Variants in SYT1 observed in about 807,000 individuals in gnomAD.
SYT1 encodes the protein synaptotagmin 1, also known as synaptotagmin-1.
Under a neutral mutation model 44.8 loss-of-function variants are expected in SYT1, and 8 were observed. The ratio of observed to expected loss-of-function variants is 0.18; its 90% CI spans 0.10 to 0.32. The LOEUF (loss-of-function observed/expected upper bound fraction) is 0.32. Among genes scored for constraint, SYT1 ranks in the 10% least tolerant of loss-of-function variants. The pLI is 1.00. For missense variants in SYT1, 286 were observed against 509.3 expected, an observed-to-expected ratio of 0.56 and a Z score of 4.22; for synonymous variants, 154 against 188.8, an observed-to-expected ratio of 0.82 and a Z score of 1.51.
rs1332380686 is a variant in SYT1 at position 79,101,707 on chromosome 12, G to A, written c.-18+54345G>A. On this transcript the variant is annotated intron_variant, in intron 3 of 10. Transcript: ENST00000261205. Reference sequence around the variant, plus strand: ...AAGTTGAGGTGTAGAAACCACTTGAGAAGAGCCTGGGCAACATGGCAAAAC... The same window carrying A: ...AAGTTGAGGTGTAGAAACCACTTGAAAAGAGCCTGGGCAACATGGCAAAAC... Among the ~76,000 whole-genome samples the A allele has an allele frequency of 2.6e-5, 4 of 151,840 alleles. No homozygotes were observed. In the East Asian group the frequency reaches 7.7e-4, roughly 29 times the overall value.
At chr12:79,354,889 C>T (rs1266157682) in intron 9 of SYT1, among the ~76,000 whole-genome samples, 1 of 152,178 alleles carries the variant, frequency 6.6e-6, no homozygotes, top group Non-Finnish European at 1.5e-5. Context: ...CAACAGCCAA[C>T]TATCATGACA....
intron 9 of SYT1, among the ~76,000 whole-genome samples, chr12:79,424,112 T>C (rs1869289487): frequency 6.6e-6 from 1 of 152,082 alleles, no homozygotes. Context: ...GCTGTACGTA[T>C]AAGGGAATTC....
chr12:79,277,922 T>A (rs1197796020), intron 4 of SYT1, among the ~76,000 whole-genome samples: 5 of 151,532 alleles, frequency 3.3e-5, no homozygotes, highest in African/African-American at 1.2e-4. Context: ...ACAAAGAAGG[T>A]CATTATATAA....
intron 3 of SYT1, among the ~76,000 whole-genome samples, chr12:79,078,885 A>G (rs1476672168): frequency 3.3e-5 from 5 of 152,240 alleles, no homozygotes; most frequent in Admixed American, 6.5e-5. Flanking sequence ...GCAAATGGAT[A>G]CTTATGATGT....
chr12:79,300,696 CTCTT>C (rs1250758187), intron 8 of SYT1, among the ~76,000 whole-genome samples: 1 of 150,196 alleles, frequency 6.7e-6, no homozygotes, highest in East Asian at 2.0e-4. Context: ...TTAAACTCTG[CTCTT>C]TTTTTTGGAA....
chr12:78,987,164 A>G (rs1164899999), intron 2 of SYT1, among the ~76,000 whole-genome samples: 2 of 152,052 alleles, frequency 1.3e-5, no homozygotes, highest in African/African-American at 2.4e-5. Flanking sequence ...GACAAACACC[A>G]CTGTGAAGGC....
At chr12:78,901,592 A>G (rs1428539889) in intron 1 of SYT1, among the ~76,000 whole-genome samples, 1 of 152,168 alleles carries the variant, frequency 6.6e-6, no homozygotes, top group African/African-American at 2.4e-5. Context: ...CAAAAAGACA[A>G]TCTAGTAACA....
rs1015144136 is a variant in SYT1, at chr12:78,877,911, G to A, written c.-217+12802G>A. ...CTCAAGGTACTAGGATTACAGGCATGAGCCACCACACCTGTCCTCAAAAGT... is the reference window on the plus strand; with the variant it reads ...CTCAAGGTACTAGGATTACAGGCATAAGCCACCACACCTGTCCTCAAAAGT... On this transcript the variant is annotated intron_variant, in intron 1 of 10. Transcript: ENST00000261205. 2.3e-4 allele frequency among the ~76,000 whole-genome samples: 35 copies of A among 151,864 alleles called. 1 individual carries two copies. The highest frequency in any genetic ancestry group is 7.0e-4 in the African/African-American group (29 of 41,492).
At chr12:79,271,631 A>G (rs1878431316) in intron 4 of SYT1, among the ~76,000 whole-genome samples, 1 of 152,222 alleles carries the variant, frequency 6.6e-6, no homozygotes, top group Non-Finnish European at 1.5e-5. Flanking sequence ...GTAGATGCTC[A>G]ATAAATATTT....
intron 4 of SYT1, among the ~76,000 whole-genome samples, chr12:79,260,538 C>T (rs1245840): frequency 0.71 from 108,004 of 152,074 alleles, 38,889 homozygotes; most frequent in African/African-American, 0.79. Context: ...GTTCTAGTAT[C>T]ACTGTCTTTC....
At chr12:79,258,535 G>T (rs191653231) in intron 4 of SYT1, among the ~76,000 whole-genome samples, 31 of 152,316 alleles carry the variant, frequency 2.0e-4, no homozygotes, top group Admixed American at 8.5e-4. Flanking sequence ...TGGCTTTAAA[G>T]TTAGGTGATT....
At chr12:79,302,783 T>G (rs71463815) in intron 8 of SYT1, among the ~76,000 whole-genome samples, 417 of 152,272 alleles carry the variant, frequency 2.7e-3, no homozygotes, top group Admixed American at 5.7e-3. Context: ...TCGACTACTT[T>G]CTTCCTCCAC....
At chr12:78,948,664 C>G (rs1878797858) in intron 1 of SYT1, among the ~76,000 whole-genome samples, 1 of 150,144 alleles carries the variant, frequency 6.7e-6, no homozygotes, top group Admixed American at 6.6e-5. Flanking sequence ...GTTTGACTGA[C>G]AGTTTCTCAA....
intron 3 of SYT1, among the ~76,000 whole-genome samples, chr12:79,063,705 A>G (rs1875552988): frequency 6.6e-6 from 1 of 152,150 alleles, no homozygotes; most frequent in African/African-American, 2.4e-5. Context: ...GGGCTCTGAA[A>G]TGGGAATTGG....
intron 1 of SYT1, among the ~76,000 whole-genome samples, chr12:78,894,247 C>T (rs1244187835): frequency 6.9e-6 from 1 of 145,156 alleles, no homozygotes; most frequent in Non-Finnish European, 1.5e-5. Flanking sequence ...GCAGTTGTTA[C>T]AGTATGTTTA....
chr12:79,063,100 C>G (rs1399050589), intron 3 of SYT1, among the ~76,000 whole-genome samples: 1 of 152,164 alleles, frequency 6.6e-6, no homozygotes, highest in Admixed American at 6.6e-5. Context: ...CCTTTAACCT[C>G]ACAAAACTGA....
chr12:79,249,967 G>A (rs946219882), intron 4 of SYT1, among the ~76,000 whole-genome samples: 4 of 151,914 alleles, frequency 2.6e-5, no homozygotes, highest in African/African-American at 9.7e-5. Context: ...AATAGGGTTG[G>A]GTCTGGAACC....
chr12:79,053,639 T>C (rs1592705333), intron 3 of SYT1, among the ~76,000 whole-genome samples: 1 of 149,334 alleles, frequency 6.7e-6, no homozygotes, highest in East Asian at 1.9e-4. Context: ...CAATAAAATA[T>C]ATTGATTTTT....
At chr12:79,349,033 A>AAGAGAAAG (rs1367804411) in intron 8 of SYT1, among the ~76,000 whole-genome samples, 5 of 120,212 alleles carry the variant, frequency 4.2e-5, no homozygotes, top group African/African-American at 1.6e-4. Context: ...GAAAGAAAGA[A>AAGAGAAAG]AAAGAAAGAA....
Sources: gnomAD v4.1 joint callset for allele counts (sites outside exome capture counted in the v4.1 genomes callset) on GRCh38, gnomAD v4.1.1 for gene constraint, MANE v1.5 for transcripts, NCBI Gene and HGNC (gene_info 2026-07-23, HGNC 2026-07-21) for gene names.